SUCO: variants seen among roughly 807,000 people sequenced by gnomAD.
SUCO encodes the protein SUN domain containing ossification factor.
Under a neutral mutation model 148.1 loss-of-function variants are expected in SUCO, and 57 were observed. The observed-to-expected ratio is 0.38, with a 90% CI of 0.31 to 0.48. SUCO has a LOEUF of 0.48. Among genes scored for constraint, SUCO ranks in the 20% least tolerant of loss-of-function variants. SUCO has a pLI of 0.96. For missense variants in SUCO, 1,331 were observed against 1,468.2 expected, an observed-to-expected ratio of 0.91 and a Z score of 1.53; for synonymous variants, 470 against 502.7, an observed-to-expected ratio of 0.93 and a Z score of 0.87.
At chr1:172,532,907 C>A (rs1193321842), upstream of SUCO, 5 of 1,413,482 alleles carry the variant, frequency 3.5e-6, no homozygotes, top group Non-Finnish European at 4.7e-6. Flanking sequence ...GCGAGAGCAT[C>A]TGCTCCTGCG....
chr1:172,608,739 A>G lies in SUCO; in HGVS notation c.3266-8A>G. 2.7e-6 allele frequency: 4 copies of G among 1,497,892 alleles called. No homozygotes were observed. Among genetic ancestry groups the G allele is most frequent in the South Asian group, 2.4e-5 (2 of 82,046 alleles). 92.8% of individuals were successfully genotyped at this position (1,497,892 alleles called of 1,614,324 possible). A position where few individuals can be genotyped will look rare whatever the true frequency, so the allele number is the denominator to read the frequency against. ...TTTACATCTGCTTTTTTTTTTTTTT[A>G]CTTACAGTAGACCCAAATGATTTGT... On this transcript the variant is annotated splice_region_variant and splice_polypyrimidine_tract_variant and intron_variant, in intron 22 of 23. Transcript: ENST00000263688.
intron 6 of SUCO, among the ~76,000 whole-genome samples, chr1:172,562,655 G>A (rs114646843): frequency 7.2e-5 from 11 of 152,266 alleles, no homozygotes; most frequent in African/African-American, 2.6e-4. Context: ...TTTAGAAAGT[G>A]TATTGTAAAC....
rs137972751 is a variant in SUCO, at chr1:172,597,140, C to T, written c.2914-2924C>T. Among the ~76,000 whole-genome samples, 947 of 152,342 alleles carry T rather than the reference C, an allele frequency of 6.2e-3. 12 individuals are homozygous for T. Among genetic ancestry groups the T allele is most frequent in the Non-Finnish European group, 0.011 (729 of 68,042 alleles). On this transcript the variant is annotated intron_variant, in intron 19 of 23. Transcript: ENST00000263688. ...CCATTTGCTAAGACCATTGGAAAAGCACAGTGTTAGGGTGGGAGCGTCTCA... is the reference window on the plus strand; with the variant it reads ...CCATTTGCTAAGACCATTGGAAAAGTACAGTGTTAGGGTGGGAGCGTCTCA...
chr1:172,555,448 G>A (rs1305386462), intron 3 of SUCO: 1 of 980,150 alleles, frequency 1.0e-6, no homozygotes, highest in East Asian at 1.1e-4. Context: ...GGTGTTACTT[G>A]AACATATCTT....
intron 2 of SUCO, chr1:172,552,503 A>C: frequency 3.3e-6 from 1 of 299,372 alleles, no homozygotes; most frequent in Non-Finnish European, 4.9e-6. Context: ...ATGTGTGCAC[A>C]CATGTGGGTG....
At chr1:172,589,947 G>T in intron 18 of SUCO, 21 bp downstream of exon 18, 3 of 1,501,084 alleles carry the variant, frequency 2.0e-6, no homozygotes, top group East Asian at 2.3e-5. Context: ...TTATGAATTA[G>T]CACAGTCAGC....
chr1:172,575,729 T>C (rs930167739), intron 11 of SUCO, 106 bp downstream of exon 11: 27 of 684,720 alleles, frequency 3.9e-5, no homozygotes, highest in Non-Finnish European at 6.0e-5. Flanking sequence ...AGAAATAGAC[T>C]ACACTATACC....
chr1:172,609,652 A>G (rs926752087), intron 23 of SUCO, 164 bp from the exon 24 acceptor site: 1 of 984,548 alleles, frequency 1.0e-6, no homozygotes, highest in African/African-American at 1.7e-5. Context: ...AGATGATGCT[A>G]GTATCTATAT....
In SUCO at chr1:172,570,165, A is replaced by G. The variant is rs1295674189; in HGVS notation, c.975A>G (p.Glu325=). Reference sequence around the variant, plus strand: ...CCAAAATTCTAGCAGCTAATCCAGAAGCCAAGGTAGGTGTTTAAATATAAA... The same window carrying G: ...CCAAAATTCTAGCAGCTAATCCAGAGGCCAAGGTAGGTGTTTAAATATAAA... ...CGAKILAANP[E]AKSTSAILIE... The change falls in exon 8 of 24, where the codon GAA becomes GAG. Residue 325 remains glutamate (E), a synonymous_variant. Coordinates refer to ENST00000263688, the MANE Select transcript of SUCO (RefSeq NM_014283.5). 6.4e-7 allele frequency: 1 copy of G among 1,571,816 alleles called. No individual in the cohort carries two copies. Among genetic ancestry groups the G allele is most frequent in the South Asian group, 1.2e-5 (1 of 82,430 alleles).
chr1:172,586,677 C>G (rs1369926167), intron 17 of SUCO, among the ~76,000 whole-genome samples: 1 of 152,076 alleles, frequency 6.6e-6, no homozygotes, highest in Non-Finnish European at 1.5e-5. Context: ...TAGAACAACT[C>G]TACTTAAAGA....
chr1:172,534,797 G>A (rs1379461507), intron 1 of SUCO, among the ~76,000 whole-genome samples: 1 of 151,942 alleles, frequency 6.6e-6, no homozygotes, highest in Admixed American at 6.5e-5. Flanking sequence ...CTCTTTCTGG[G>A]GCTGCCTAGT....
intron 17 of SUCO, chr1:172,588,188 G>T: frequency 3.0e-6 from 3 of 985,236 alleles, no homozygotes; most frequent in Non-Finnish European, 3.6e-6. Flanking sequence ...TGCGTTGTGT[G>T]TTTAATGCTG....
chr1:172,532,835 G>C (rs372159338), upstream of SUCO: 134 of 1,548,620 alleles, frequency 8.7e-5, no homozygotes, highest in Admixed American at 1.3e-4. Flanking sequence ...AGGATCACTG[G>C]GCTCCTCCCG....
chr1:172,579,092 A>G, intron 14 of SUCO, 110 bp from the exon 15 acceptor site: 2 of 639,904 alleles, frequency 3.1e-6, no homozygotes, highest in Non-Finnish European at 5.6e-6. Context: ...TATTTATCAT[A>G]AAATGTTTTA....
chr1:172,608,207 G>A, intron 22 of SUCO: 1 of 450,062 alleles, frequency 2.2e-6, no homozygotes, highest in Non-Finnish European at 2.9e-6. Context: ...TTTTAGATTG[G>A]GATTTCATAG....
At chr1:172,544,714 G>T (rs1173829988) in intron 1 of SUCO, among the ~76,000 whole-genome samples, 2 of 152,160 alleles carry the variant, frequency 1.3e-5, no homozygotes, top group African/African-American at 4.8e-5. Flanking sequence ...AAAGTGAAAG[G>T]CAGGGAGAGT....
chr1:172,564,108 C>T lies in SUCO; in HGVS notation c.733-4911C>T, dbSNP rs546676582. 3.9e-5 allele frequency among the ~76,000 whole-genome samples: 6 copies of T among 152,344 alleles called. No homozygotes were observed. The South Asian group carries it at 8.3e-4, about 21-fold the overall frequency. Reference sequence around the variant, plus strand: ...CTGCCTAGATTTCAGAGGATGTATGCAAATGTCTGGATGTCCAGGCAGAAG... The same window carrying T: ...CTGCCTAGATTTCAGAGGATGTATGTAAATGTCTGGATGTCCAGGCAGAAG... On this transcript the variant is annotated intron_variant, in intron 6 of 23. Transcript: ENST00000263688.
chr1:172,557,023 T>C, intron 4 of SUCO: 1 of 974,370 alleles, frequency 1.0e-6, no homozygotes. Flanking sequence ...GAAATTAAAC[T>C]TTAGAGAAGA....
chr1:172,603,456 A>G (rs1053329401), intron 22 of SUCO, among the ~76,000 whole-genome samples: 2 of 152,036 alleles, frequency 1.3e-5, no homozygotes, highest in African/African-American at 2.4e-5. Context: ...GTAACTGAGT[A>G]GCATGTTTCA....
Sources: gnomAD v4.1 joint callset for allele counts (sites outside exome capture counted in the v4.1 genomes callset) on GRCh38, gnomAD v4.1.1 for gene constraint, MANE v1.5 for transcripts, NCBI Gene and HGNC (gene_info 2026-07-23, HGNC 2026-07-21) for gene names.